FOXN3: variants seen among roughly 807,000 people sequenced by gnomAD.
FOXN3 encodes the protein forkhead box N3.
A neutral mutation model predicts 38.4 loss-of-function variants in FOXN3; 7 were observed. That is an observed-to-expected ratio of 0.18 (90% CI 0.10 to 0.34). The LOEUF (loss-of-function observed/expected upper bound fraction) is 0.34, where lower values mean the gene tolerates loss of function less well. FOXN3 is among the 10% of genes least tolerant of loss of function. FOXN3 has a pLI of 1.00. For synonymous variants in FOXN3, 230 were observed against 242.2 expected, an observed-to-expected ratio of 0.95 and a Z score of 0.47; for missense variants, 456 against 613.4, an observed-to-expected ratio of 0.74 and a Z score of 2.71.
chr14:89,243,313 A>G (rs1885194337), intron 4 of FOXN3, among the ~76,000 whole-genome samples: 1 of 152,266 alleles, frequency 6.6e-6, no homozygotes, highest in Admixed American at 6.5e-5. Flanking sequence ...ACAACAGCCC[A>G]CAATCTCTTT....
chr14:89,231,483 C>T (rs114054216), intron 4 of FOXN3, among the ~76,000 whole-genome samples: 3,160 of 152,078 alleles, frequency 0.021, 115 homozygotes, highest in African/African-American at 0.073. Flanking sequence ...GTGGCTGAGA[C>T]TGAAAAAGAA....
At chr14:89,167,200 A>G (rs573043768) in intron 5 of FOXN3, among the ~76,000 whole-genome samples, 1 of 152,402 alleles carries the variant, frequency 6.6e-6, no homozygotes, top group South Asian at 2.1e-4. Context: ...TATCAAACAT[A>G]AAAAGAGAAA....
intron 1 of FOXN3, among the ~76,000 whole-genome samples, chr14:89,438,927 A>G (rs1596273821): frequency 6.6e-6 from 1 of 151,928 alleles, no homozygotes; most frequent in East Asian, 1.9e-4. Flanking sequence ...CGCCCAGCTA[A>G]TTTCGTATTT....
intron 1 of FOXN3, among the ~76,000 whole-genome samples, chr14:89,536,866 G>A (rs949003313): frequency 1.2e-4 from 19 of 152,140 alleles, no homozygotes; most frequent in African/African-American, 4.6e-4. Context: ...CAATGGTTGT[G>A]CTGTTCTCTG....
intron 2 of FOXN3, among the ~76,000 whole-genome samples, chr14:89,404,595 C>T (rs1891340949): frequency 6.6e-6 from 1 of 150,766 alleles, no homozygotes; most frequent in Non-Finnish European, 1.5e-5. Context: ...GAATGGCTTC[C>T]TATTCCAGGG....
At chr14:89,169,798 A>G (rs1304688819) in intron 5 of FOXN3, among the ~76,000 whole-genome samples, 1 of 152,244 alleles carries the variant, frequency 6.6e-6, no homozygotes, top group Non-Finnish European at 1.5e-5. Flanking sequence ...AATGAGGAGT[A>G]GGAGAATCAA....
chr14:89,401,936 C>T (rs114778083), intron 2 of FOXN3, among the ~76,000 whole-genome samples: 1,840 of 152,254 alleles, frequency 0.012, 43 homozygotes, highest in African/African-American at 0.042. Flanking sequence ...CGTATAGCCT[C>T]TCTGCCTGTA....
intron 2 of FOXN3, among the ~76,000 whole-genome samples, chr14:89,352,936 C>T (rs887706115): frequency 6.6e-6 from 1 of 152,054 alleles, no homozygotes; most frequent in Non-Finnish European, 1.5e-5. Context: ...CTGCAGCGAG[C>T]GGAGATCGCA....
chr14:89,320,858 TA>T (rs1887875532), intron 3 of FOXN3, among the ~76,000 whole-genome samples: 1 of 152,208 alleles, frequency 6.6e-6, no homozygotes, highest in Non-Finnish European at 1.5e-5. Flanking sequence ...TTATGCTGGC[TA>T]TAAAACCCAA....
In FOXN3 at chr14:89,193,291, T is replaced by C. The variant is rs550848365; in HGVS notation, c.746-12485A>G. Among the ~76,000 whole-genome samples the C allele has an allele frequency of 3.3e-5, 5 of 151,864 alleles. No individual in the cohort carries two copies. The South Asian group carries it at 6.3e-4, about 19-fold the overall frequency. On this transcript the variant is annotated intron_variant, in intron 4 of 5. Coordinates refer to ENST00000557258, the MANE Select transcript of FOXN3 (RefSeq NM_005197.4). ...AGTCTGGAGTCTTTTCCTATTTATATGGCCAGAAAATTAAAGAAAATATTT... is the reference window on the plus strand; with the variant it reads ...AGTCTGGAGTCTTTTCCTATTTATACGGCCAGAAAATTAAAGAAAATATTT...
intron 4 of FOXN3, 111 bp downstream of exon 4, chr14:89,280,839 G>A (rs991336175): frequency 2.8e-5 from 23 of 807,044 alleles, no homozygotes; most frequent in South Asian, 8.2e-5. Context: ...TCCAGAAAGC[G>A]GCCACTCCTA....
chr14:89,196,555 G>A (rs761108930), intron 4 of FOXN3, among the ~76,000 whole-genome samples: 1 of 152,090 alleles, frequency 6.6e-6, no homozygotes, highest in Non-Finnish European at 1.5e-5. Flanking sequence ...TCCTCCCTTT[G>A]TGACTTGTGG....
chr14:89,493,181 T>C (rs1458102823), intron 1 of FOXN3, among the ~76,000 whole-genome samples: 2 of 152,192 alleles, frequency 1.3e-5, no homozygotes, highest in Non-Finnish European at 2.9e-5. Flanking sequence ...TTACATTCTC[T>C]TCACTGATAC....
At chr14:89,197,400 G>A (rs1357832922) in intron 4 of FOXN3, among the ~76,000 whole-genome samples, 8 of 152,046 alleles carry the variant, frequency 5.3e-5, no homozygotes, top group East Asian at 1.9e-4. Context: ...CCAGCCACTC[G>A]GGAGGCTGGG....
Position 89,498,914 on chromosome 14 carries a change from G to A in FOXN3, c.-14-86424C>T, listed in dbSNP as rs74079171. 4.4e-3 allele frequency among the ~76,000 whole-genome samples: 670 copies of A among 152,252 alleles called. 6 individuals are homozygous for A. The highest frequency in any genetic ancestry group is 0.015 in the African/African-American group (638 of 41,540). On this transcript the variant is annotated intron_variant, in intron 1 of 6. Transcript: ENST00000345097. Reference sequence around the variant, plus strand: ...TTGCGATGAAAAGCTTTTCAAAATGGATTGTATATGAAAACAACGAATTGG... The same window carrying A: ...TTGCGATGAAAAGCTTTTCAAAATGAATTGTATATGAAAACAACGAATTGG...
intron 4 of FOXN3, among the ~76,000 whole-genome samples, chr14:89,186,181 T>C (rs1051715292): frequency 6.6e-6 from 1 of 152,158 alleles, no homozygotes; most frequent in African/African-American, 2.4e-5. Flanking sequence ...GGAAGCACAC[T>C]GGGGAGGGGG....
intron 4 of FOXN3, among the ~76,000 whole-genome samples, chr14:89,225,478 C>T (rs1318731848): frequency 2.0e-5 from 3 of 151,988 alleles, no homozygotes; most frequent in Non-Finnish European, 4.4e-5. Context: ...GTGGTGGGCG[C>T]CTGTAGTCCC....
At position 89,163,634 on chromosome 14, in the gene FOXN3, T is replaced by C. The variant is rs1289880978; in HGVS notation, c.852-665A>G. Among the ~76,000 whole-genome samples, 4 of 152,160 alleles carry C rather than the reference T, an allele frequency of 2.6e-5. No individual in the cohort carries two copies. Among genetic ancestry groups the C allele is most frequent in the African/African-American group, 7.2e-5 (3 of 41,420 alleles). On this transcript the variant is annotated intron_variant, in intron 5 of 5. Transcript: ENST00000557258. The surrounding 1 kb of genome is among the most constrained non-coding windows in gnomAD (Gnocchi z 4.3). Reference sequence around the variant, plus strand: ...AACAGAGAGGCAAGCCAGGGTCGCATCACAGACCAGAGGGCAATAAACTAC... The same window carrying C: ...AACAGAGAGGCAAGCCAGGGTCGCACCACAGACCAGAGGGCAATAAACTAC...
At chr14:89,437,166 C>T (rs989420422) in intron 1 of FOXN3, among the ~76,000 whole-genome samples, 8 of 148,794 alleles carry the variant, frequency 5.4e-5, no homozygotes, top group African/African-American at 1.7e-4. Context: ...AAGAGCAAAA[C>T]TCTGTCTCAA....
Sources: gnomAD v4.1 joint callset for allele counts (sites outside exome capture counted in the v4.1 genomes callset) on GRCh38, gnomAD v4.1.1 for gene constraint, Gnocchi (gnomAD v3.1) non-coding constraint, MANE v1.5 for transcripts, NCBI Gene and HGNC (gene_info 2026-07-23, HGNC 2026-07-21) for gene names.